Variants in MAS1L observed in about 807,000 individuals in gnomAD.
MAS1L encodes the protein mas-related G protein-coupled receptor MRG.
For missense variants in MAS1L, 441 were observed against 460.1 expected (o/e 0.96, Z 0.38); for synonymous variants, 160 against 182.9 (o/e 0.87, Z 1.01).
At position 29,487,052 on chromosome 6, in the gene MAS1L, G is replaced by A. The variant is rs1343272586; in HGVS notation, c.851C>T (p.Pro284Leu). 1 of 1,613,848 alleles carries A rather than the reference G, an allele frequency of 6.2e-7. No individual in the cohort carries two copies. The highest frequency in any genetic ancestry group is 1.7e-5 in the Admixed American group (1 of 59,996). Residue 284 changes from proline to leucine, a missense_variant, in exon 1 of 1, where the codon CCC becomes CTC. Transcript: ENST00000377127. The stretch of plus-strand genomic sequence containing the variant: ...AAACATTTTGAAATCTGTTATGAGG[G>A]GTGCCACGCTCAGGGGTAGGGCCCA... ...LLWALPLSVA[P>L]LITDFKMFVT...
chr6:29,487,727 G>T lies in MAS1L; in HGVS notation c.176C>A (p.Thr59Asn). 2 of 1,614,232 alleles carry T rather than the reference G, an allele frequency of 1.2e-6. No individual in the cohort carries two copies. Among genetic ancestry groups the T allele is most frequent in the Non-Finnish European group, 1.7e-6 (2 of 1,180,046 alleles). Residue 59 changes from threonine (T) to asparagine (N), a missense_variant, in exon 1 of 1, where the codon ACC (threonine) becomes AAC (asparagine). Thr to Asn is a moderately conservative substitution (Grantham distance 65). Transcript: ENST00000377127. ...GVFLQNETNE[T>N]IHMQMSMAVG... ...TGCCATGCTCATCTGCATATGTATG[G>T]TTTCATTCGTCTCATTTTGAAGAAA...
At position 29,487,476 on chromosome 6, in the gene MAS1L, A is replaced by G. The variant is rs1415668513; in HGVS notation, c.427T>C (p.Phe143Leu). The G allele has an allele frequency of 1.2e-6, 2 of 1,610,426 alleles. No homozygotes were observed. Among genetic ancestry groups the G allele is most frequent in the Admixed American group, 3.3e-5 (2 of 59,900 alleles). ...ATGGCCAGGAAATCAGGGATAAAAAACACGACTCCATGATAAGTTAGCAGA... is the reference window on the plus strand; with the variant it reads ...ATGGCCAGGAAATCAGGGATAAAAAGCACGACTCCATGATAAGTTAGCAGA... ...VTLLTYHGVV[F>L]FIPDFLAILS... The change falls in exon 1 of 1, where the codon TTT (phenylalanine) becomes CTT (leucine). Residue 143 changes from phenylalanine (F) to leucine (L), a missense_variant. Coordinates refer to ENST00000377127, the MANE Select transcript of MAS1L (RefSeq NM_052967.2).
At position 29,487,591 on chromosome 6, in the gene MAS1L, G is replaced by A; in HGVS notation, c.312C>T (p.Ala104=). The stretch of plus-strand genomic sequence containing the variant: ...GGATGTATACCATGTAGGGATTCGT[G>A]GCCCCACAGCAAAGCAGCCAGAAGA... ...GTVFWLLCCG[A]TNPYMVYILH... Residue 104 remains alanine (A), a synonymous_variant, in exon 1 of 1, where the codon GCC becomes GCT. Transcript: ENST00000377127. 2 of 1,614,178 alleles carry A rather than the reference G, an allele frequency of 1.2e-6. No homozygotes were observed. The highest frequency in any genetic ancestry group is 1.1e-5 in the South Asian group (1 of 91,076).
In MAS1L at chr6:29,487,383, A is replaced by G; in HGVS notation, c.520T>C (p.Cys174Arg). 6.2e-7 allele frequency: 1 copy of G among 1,614,084 alleles called. No homozygotes were observed. The highest frequency in any genetic ancestry group is 8.5e-7 in the Non-Finnish European group (1 of 1,180,044). The change falls in exon 1 of 1, where the codon TGT becomes CGT. Residue 174 changes from cysteine (C) to arginine (R), a missense_variant. Transcript: ENST00000377127. ...CTGTACCAGATGGGGAAGAGGACAC[A>G]CACACACCGCTCTGTGCTGATGGCC... Reference protein sequence around the residue: ...LVAISTERCVCVLFPIWYRCH... With the variant: ...LVAISTERCVRVLFPIWYRCH...
chr6:29,487,297 AAAAGG>A, the MAS1L span: 1 of 1,614,176 alleles, frequency 6.2e-7, no homozygotes, highest in Non-Finnish European at 8.5e-7. Context: ...TGTTGATGCA[AAAAGG>A]CAGGCCCCAG....
rs566796111 is a variant in MAS1L, at chr6:29,486,896, G to A, written c.1007C>T (p.Ala336Val). The change falls in exon 1 of 1, where the codon GCG becomes GTG. Residue 336 changes from alanine (A) to valine (V), a missense_variant. Coordinates refer to ENST00000377127, the MANE Select transcript of MAS1L (RefSeq NM_052967.2). ...KESLRVILQR[A>V]LADKPEVGRN... Reference sequence around the variant, plus strand: ...CCCCACCTCTGGCTTATCTGCTAACGCCCGTTGGAGAATCACTCTGAGAGA... The same window carrying A: ...CCCCACCTCTGGCTTATCTGCTAACACCCGTTGGAGAATCACTCTGAGAGA... 72 of 1,614,114 alleles carry A rather than the reference G, an allele frequency of 4.5e-5. No homozygotes were observed. In the African/African-American group the frequency reaches 4.5e-4, roughly 10 times the overall value.
rs865985839 is a variant in MAS1L, at chr6:29,487,056, C to T, written c.847G>A (p.Ala283Thr). Reference protein sequence around the residue: ...FLLWALPLSVAPLITDFKMFV... With the variant: ...FLLWALPLSVTPLITDFKMFV... ...ATTTTGAAATCTGTTATGAGGGGTG[C>T]CACGCTCAGGGGTAGGGCCCAGAGT... Residue 283 changes from alanine (A) to threonine (T), a missense_variant, in exon 1 of 1, where the codon GCA becomes ACA. Coordinates refer to ENST00000377127, the MANE Select transcript of MAS1L (RefSeq NM_052967.2). 1 of 1,613,954 alleles carries T rather than the reference C, an allele frequency of 6.2e-7. No individual in the cohort carries two copies. The highest frequency in any genetic ancestry group is 1.1e-5 in the South Asian group (1 of 91,062).
chr6:29,486,879 C>T lies in MAS1L; in HGVS notation c.1024G>A (p.Glu342Lys). The T allele has an allele frequency of 6.2e-7, 1 of 1,614,204 alleles. No homozygotes were observed. ...ILQRALADKP[E>K]VGRNKKAAGI... ...GCTGCCTTTTTGTTCCTCCCCACCT[C>T]TGGCTTATCTGCTAACGCCCGTTGG... is the stretch of plus-strand genomic sequence containing the variant. The change falls in exon 1 of 1, where the codon GAG becomes AAG. Residue 342 changes from glutamate to lysine, a missense_variant. Physicochemically the swap from Glu to Lys is moderately conservative, Grantham distance 56. Transcript: ENST00000377127.
Position 29,487,436 on chromosome 6 carries a change from G to A in MAS1L, c.467C>T (p.Ser156Phe), listed in dbSNP as rs267600937. 6.2e-7 allele frequency: 1 copy of A among 1,613,772 alleles called. No individual in the cohort carries two copies. The highest frequency in any genetic ancestry group is 8.5e-7 in the Non-Finnish European group (1 of 1,179,892). ...CAGGAGACAGAGACACACCTCAAAG[G>A]AGAAGGGAGACAATATGGCCAGGAA... ...PDFLAILSPF[S>F]FEVCLCLLVA... Residue 156 changes from serine to phenylalanine, a missense_variant, in exon 1 of 1, where the codon TCC becomes TTC. Transcript: ENST00000377127.
Position 29,487,294 on chromosome 6 carries a change from G to A in MAS1L, c.609C>T (p.Cys203=). ...GGAAAAGTGATTTTACTATGTTGAT[G>A]CAAAAAGGCAGGCCCCAGATGAGGG... is the stretch of plus-strand genomic sequence containing the variant. ...VCTLIWGLPF[C]INIVKSLFLT... is the part of the protein sequence containing the mutation. Residue 203 remains cysteine, a synonymous_variant, in exon 1 of 1, where the codon TGC becomes TGT. Transcript: ENST00000377127. 6.2e-7 allele frequency: 1 copy of A among 1,614,106 alleles called. No homozygotes were observed. Among genetic ancestry groups the A allele is most frequent in the Non-Finnish European group, 8.5e-7 (1 of 1,180,026 alleles).
At position 29,487,314 on chromosome 6, in the gene MAS1L, T is replaced by C. The variant is rs151254202; in HGVS notation, c.589A>G (p.Ile197Val). 2,634 of 1,614,016 alleles carry C rather than the reference T, an allele frequency of 1.6e-3. 12 individuals carry two copies. The highest frequency in any genetic ancestry group is 1.6e-3 in the Non-Finnish European group (1,833 of 1,180,014). The change falls in exon 1 of 1, where the codon ATC (isoleucine) becomes GTC (valine). Residue 197 changes from isoleucine to valine, a missense_variant. Coordinates refer to ENST00000377127, the MANE Select transcript of MAS1L (RefSeq NM_052967.2). ...KYTSNVVCTL[I>V]WGLPFCINIV... ...TTGATGCAAAAAGGCAGGCCCCAGA[T>C]GAGGGTGCAGACAACATTAGATGTG...
rs991955670 is a variant in MAS1L at position 29,487,366 on chromosome 6, G to C, written c.537C>G (p.Ile179Met). ...TERCVCVLFP[I>M]WYRCHRPKYT... ...ATTTTGGGCGGTGGCATCTGTACCAGATGGGGAAGAGGACACACACACACC... is the reference window on the plus strand; with the variant it reads ...ATTTTGGGCGGTGGCATCTGTACCACATGGGGAAGAGGACACACACACACC... The change falls in exon 1 of 1, where the codon ATC (isoleucine) becomes ATG (methionine). Residue 179 changes from isoleucine (I) to methionine (M), a missense_variant. Ile to Met is a conservative substitution (Grantham distance 10, BLOSUM62 1). Transcript: ENST00000377127. 8 of 1,614,064 alleles carry C rather than the reference G, an allele frequency of 5.0e-6. No homozygotes were observed. The East Asian group carries it at 6.7e-5, about 13-fold the overall frequency.
chr6:29,487,685 AG>A, the MAS1L span: 1 of 1,614,248 alleles, frequency 6.2e-7, no homozygotes, highest in Non-Finnish European at 8.5e-7. Flanking sequence ...ATTCAAGGGC[AG>A]GGCCTGCTGT....
In MAS1L at chr6:29,486,800, A is replaced by G; in HGVS notation, c.1103T>C (p.Leu368Pro). The G allele has an allele frequency of 1.2e-6, 2 of 1,613,772 alleles. No individual in the cohort carries two copies. Among genetic ancestry groups the G allele is most frequent in the Non-Finnish European group, 1.7e-6 (2 of 1,179,904 alleles). Residue 368 changes from leucine to proline, a missense_variant, in exon 1 of 1, where the codon CTT (leucine) becomes CCT (proline). Coordinates refer to ENST00000377127, the MANE Select transcript of MAS1L (RefSeq NM_052967.2). ...PHSTQHVENL[L>P]PREHRVDVET ...CACATCGACCCTGTGCTCCCTGGGA[A>G]GAAGGTTCTCCACATGCTGAGTAGA...
In MAS1L at chr6:29,487,306, G is replaced by T. The variant is rs1190232183; in HGVS notation, c.597C>A (p.Gly199=). ...TSNVVCTLIW[G]LPFCINIVKS... ...TTACTATGTTGATGCAAAAAGGCAG[G>T]CCCCAGATGAGGGTGCAGACAACAT... The change falls in exon 1 of 1, where the codon GGC becomes GGA. Residue 199 remains glycine, a synonymous_variant. Transcript: ENST00000377127. 1.2e-6 allele frequency: 2 copies of T among 1,614,142 alleles called. No homozygotes were observed. Among genetic ancestry groups the T allele is most frequent in the Admixed American group, 3.3e-5 (2 of 60,026 alleles).
At position 29,487,134 on chromosome 6, in the gene MAS1L, G is replaced by C; in HGVS notation, c.769C>G (p.Gln257Glu). Residue 257 changes from glutamine (Q) to glutamate (E), a missense_variant, in exon 1 of 1, where the codon CAA (glutamine) becomes GAA (glutamate). Physicochemically the swap from Gln to Glu is conservative, Grantham distance 29. Coordinates refer to ENST00000377127, the MANE Select transcript of MAS1L (RefSeq NM_052967.2). ...LIRFLCCSQQ[Q>E]KATRVYAVVQ... ...ACCGCATAGACCCTGGTGGCCTTTT[G>C]CTGCTGGGAGCAGCACAGGAATCTA... 6.2e-7 allele frequency: 1 copy of C among 1,614,086 alleles called. No homozygotes were observed. Among genetic ancestry groups the C allele is most frequent in the Admixed American group, 1.7e-5 (1 of 60,018 alleles).
Position 29,487,800 on chromosome 6 carries a change from C to T in MAS1L, c.103G>A (p.Asp35Asn), listed in dbSNP as rs1198025210. 1 of 1,614,236 alleles carries T rather than the reference C, an allele frequency of 6.2e-7. No individual in the cohort carries two copies. The change falls in exon 1 of 1, where the codon GAC becomes AAC. Residue 35 changes from aspartate to asparagine, a missense_variant. Physicochemically the swap from Asp to Asn is conservative, Grantham distance 23. Transcript: ENST00000377127. Reference sequence around the variant, plus strand: ...AGGTTTGGGTTCTGTGCCTCCTGGTCACCACTGTGGAGACAAAGGCTACAT... The same window carrying T: ...AGGTTTGGGTTCTGTGCCTCCTGGTTACCACTGTGGAGACAAAGGCTACAT... The part of the protein sequence containing the change: ...LSCSLCLHSG[D>N]QEAQNPNLVS...
rs1293753831 is a variant in MAS1L, at chr6:29,487,942, G to A, written c.-40C>T. 1 of 1,567,020 alleles carries A rather than the reference G, an allele frequency of 6.4e-7. No homozygotes were observed. Among genetic ancestry groups the A allele is most frequent in the Non-Finnish European group, 8.6e-7 (1 of 1,160,072 alleles). On this transcript the variant is annotated 5_prime_UTR_variant, in exon 1 of 1. Coordinates refer to ENST00000377127, the MANE Select transcript of MAS1L (RefSeq NM_052967.2). ...TGAGTGGGCCACAACATCACAGTCA[G>A]GAGCAGTGGTCCATCTAGTGGTGTC...
Position 29,486,979 on chromosome 6 carries a change from G to A in MAS1L, c.924C>T (p.Ser308=), listed in dbSNP as rs139438488. 276 of 1,614,024 alleles carry A rather than the reference G, an allele frequency of 1.7e-4. No homozygotes were observed. The highest frequency in any genetic ancestry group is 2.2e-4 in the Admixed American group (13 of 60,022). Residue 308 remains serine (S), a synonymous_variant, in exon 1 of 1, where the codon AGC becomes AGT. Transcript: ENST00000377127. ...LISLFLIINS[S]ANPIIYFFVG... is the part of the protein sequence containing the mutation. ...CAAAGAAATAAATGATAGGGTTGGCGCTGCTGTTTATAATGAGGAACAAGG... is the reference window on the plus strand; with the variant it reads ...CAAAGAAATAAATGATAGGGTTGGCACTGCTGTTTATAATGAGGAACAAGG...
Sources: allele counts gnomAD v4.1 joint callset, GRCh38; gene constraint gnomAD v4.1.1; transcripts MANE v1.5; gene names NCBI Gene and HGNC (gene_info 2026-07-23, HGNC 2026-07-21).